REDIC1: variants seen among roughly 807,000 people sequenced by gnomAD.
REDIC1 encodes the protein HEI10 Interacting Protein 1.
chr12:39,689,714 G>A, the REDIC1 span, among the ~76,000 whole-genome samples: 3,088 of 152,186 alleles, frequency 0.02, 42 homozygotes, highest in South Asian at 0.029. Context: ...TACTAGTGTC[G>A]TAGGAAAGAA....
At chr12:39,854,241 G>GATAATA in the REDIC1 span, among the ~76,000 whole-genome samples, 1 of 151,812 alleles carries the variant, frequency 6.6e-6, no homozygotes, top group South Asian at 2.1e-4. Flanking sequence ...TGTAAAATTG[G>GATAATA]ATAATAATAA....
chr12:39,835,250 T>C, the REDIC1 span, among the ~76,000 whole-genome samples: 2 of 152,042 alleles, frequency 1.3e-5, no homozygotes, highest in Admixed American at 6.6e-5. Context: ...GAGCACACAT[T>C]GTCTAACAAT....
At chr12:39,883,769 T>C in the REDIC1 span, among the ~76,000 whole-genome samples, 1 of 152,190 alleles carries the variant, frequency 6.6e-6, no homozygotes, top group Non-Finnish European at 1.5e-5. Context: ...TATGCAAATA[T>C]ATGTAGTTTT....
the REDIC1 span, among the ~76,000 whole-genome samples, chr12:39,894,883 G>T: frequency 6.6e-6 from 1 of 152,112 alleles, no homozygotes; most frequent in Admixed American, 6.5e-5. Flanking sequence ...AAGAAGAAAT[G>T]GATATGAAAC....
chr12:39,838,461 T>C, the REDIC1 span, among the ~76,000 whole-genome samples: 1 of 146,128 alleles, frequency 6.8e-6, no homozygotes, highest in South Asian at 2.2e-4. Flanking sequence ...CTGCACAATG[T>C]GCACATGTAC....
chr12:39,731,444 C>T, the REDIC1 span, among the ~76,000 whole-genome samples: 21 of 152,198 alleles, frequency 1.4e-4, no homozygotes, highest in African/African-American at 5.1e-4. Context: ...TGGAGGTCCA[C>T]TCCAGGCCCT....
chr12:39,781,395 C>T, the REDIC1 span, among the ~76,000 whole-genome samples: 4 of 152,202 alleles, frequency 2.6e-5, no homozygotes, highest in South Asian at 4.1e-4. Context: ...TGGCCTGCCC[C>T]CTCCAGCCTT....
At chr12:39,863,992 T>G in the REDIC1 span, among the ~76,000 whole-genome samples, 1 of 152,218 alleles carries the variant, frequency 6.6e-6, no homozygotes, top group South Asian at 2.1e-4. Flanking sequence ...TTGTTAAGGC[T>G]AGGTCTTATT....
chr12:39,706,865 T>C, the REDIC1 span, among the ~76,000 whole-genome samples: 233 of 152,172 alleles, frequency 1.5e-3, 2 homozygotes, highest in Non-Finnish European at 2.2e-3. Flanking sequence ...CAAAATGGAT[T>C]AAAGACTTAA....
chr12:39,647,716 T>G, the REDIC1 span: 1 of 1,092,486 alleles, frequency 9.2e-7, no homozygotes, highest in Non-Finnish European at 1.2e-6. Flanking sequence ...CTTATTTTAA[T>G]TTCACTATTT....
the REDIC1 span, among the ~76,000 whole-genome samples, chr12:39,790,746 G>T: frequency 1.2e-5 from 1 of 81,722 alleles, no homozygotes; most frequent in Non-Finnish European, 2.4e-5. Context: ...GTAATGGGAT[G>T]GCTGGGTCAA....
At chr12:39,639,802 T>C in the REDIC1 span, among the ~76,000 whole-genome samples, 5 of 151,986 alleles carry the variant, frequency 3.3e-5, no homozygotes, top group Non-Finnish European at 5.9e-5. Flanking sequence ...AATTATTATT[T>C]TGATATTAGA....
At chr12:39,900,872 C>T in the REDIC1 span, among the ~76,000 whole-genome samples, 1 of 152,176 alleles carries the variant, frequency 6.6e-6, no homozygotes, top group Non-Finnish European at 1.5e-5. Context: ...AAAGATCCCG[C>T]ATCGCCAAGT....
the REDIC1 span, among the ~76,000 whole-genome samples, chr12:39,857,076 A>G: frequency 2.9e-3 from 443 of 152,338 alleles, 2 homozygotes; most frequent in African/African-American, 0.01. Context: ...GTTCACTGCA[A>G]TGAAGAGTTC....
the REDIC1 span, among the ~76,000 whole-genome samples, chr12:39,650,601 G>A: frequency 3.3e-5 from 5 of 151,932 alleles, no homozygotes; most frequent in Admixed American, 6.6e-5. The surrounding 1 kb of genome is among the most constrained non-coding windows in gnomAD (Gnocchi z 4.3). Context: ...AAGAAGTCTC[G>A]CTCTTTCACC....
the REDIC1 span, among the ~76,000 whole-genome samples, chr12:39,743,185 A>G: frequency 6.6e-6 from 1 of 152,174 alleles, no homozygotes. Context: ...TCACAGCCTA[A>G]CTTACTAGGG....
the REDIC1 span, among the ~76,000 whole-genome samples, chr12:39,902,556 T>C: frequency 2.6e-5 from 4 of 152,124 alleles, no homozygotes; most frequent in African/African-American, 9.6e-5. Flanking sequence ...CCAGGTGTAC[T>C]AAAAATAAAA....
the REDIC1 span, among the ~76,000 whole-genome samples, chr12:39,782,050 G>C: frequency 6.6e-6 from 1 of 152,172 alleles, no homozygotes; most frequent in African/African-American, 2.4e-5. Context: ...GTACTTGGTG[G>C]GGTCGAGGTA....
At chr12:39,777,663 G>T in the REDIC1 span, among the ~76,000 whole-genome samples, 2 of 152,104 alleles carry the variant, frequency 1.3e-5, no homozygotes, top group African/African-American at 2.4e-5. Flanking sequence ...GCTGGATGTC[G>T]AGAGAAGCAC....
Sources: gnomAD v4.1 joint callset for allele counts (sites outside exome capture counted in the v4.1 genomes callset) on GRCh38, gnomAD v4.1.1 for gene constraint, Gnocchi (gnomAD v3.1) non-coding constraint, MANE v1.5 for transcripts, NCBI Gene and HGNC (gene_info 2026-07-23, HGNC 2026-07-21) for gene names.